WWOX: variants seen among roughly 807,000 people sequenced by gnomAD.
The protein encoded by WWOX is WW domain-containing oxidoreductase.
A neutral mutation model predicts 46.2 loss-of-function variants in WWOX; 69 were observed. The observed-to-expected ratio is 1.49, with a 90% confidence interval of 1.23 to 1.82. The LOEUF is 1.82. Ranked by LOEUF, WWOX falls within the 40% of genes most tolerant of loss-of-function variation. WWOX has a pLI of 0.00. For missense variants in WWOX, 919 were observed against 542.6 expected (o/e 1.69, Z -6.89); for synonymous variants, 359 against 202.6 (o/e 1.77, Z -6.56).
At chr16:78,563,048 C>G (rs987743267) in intron 8 of WWOX, among the ~76,000 whole-genome samples, 4 of 151,954 alleles carry the variant, frequency 2.6e-5, no homozygotes, top group African/African-American at 9.7e-5. Context: ...CTCTGCACTT[C>G]AAGCTAAATA....
chr16:78,110,870 C>G (rs929774968), intron 3 of WWOX, among the ~76,000 whole-genome samples: 17 of 152,094 alleles, frequency 1.1e-4, no homozygotes, highest in African/African-American at 3.4e-4. Flanking sequence ...AGCACCTGCT[C>G]CAGGGACTGT....
chr16:78,191,249 C>G (rs928585926), intron 5 of WWOX, among the ~76,000 whole-genome samples: 5 of 152,160 alleles, frequency 3.3e-5, no homozygotes, highest in African/African-American at 1.2e-4. Flanking sequence ...GCCCACAGCT[C>G]CTCCACCTGG....
intron 8 of WWOX, among the ~76,000 whole-genome samples, chr16:78,872,303 G>A (rs949772860): frequency 1.3e-5 from 2 of 152,248 alleles, no homozygotes; most frequent in South Asian, 2.1e-4. Context: ...AAGAAAGATG[G>A]GCATAAGGAA....
chr16:78,978,036 A>G (rs540216648), intron 8 of WWOX, among the ~76,000 whole-genome samples: 1 of 152,360 alleles, frequency 6.6e-6, no homozygotes, highest in East Asian at 1.9e-4. Flanking sequence ...TTAAGCAGCT[A>G]CTACCCATTC....
At chr16:78,699,221 C>G (rs866760469) in intron 8 of WWOX, among the ~76,000 whole-genome samples, 1 of 152,164 alleles carries the variant, frequency 6.6e-6, no homozygotes, top group African/African-American at 2.4e-5. Context: ...CTTTGGAAGG[C>G]CTAACTCAGT....
At chr16:78,887,945 C>G (rs1353641237) in intron 8 of WWOX, among the ~76,000 whole-genome samples, 3 of 152,296 alleles carry the variant, frequency 2.0e-5, no homozygotes, top group South Asian at 2.1e-4. Context: ...CATTAGAAAG[C>G]TCACTCTGAC....
chr16:78,823,245 A>G (rs533172901), intron 8 of WWOX, among the ~76,000 whole-genome samples: 3 of 152,210 alleles, frequency 2.0e-5, no homozygotes, highest in Non-Finnish European at 4.4e-5. Flanking sequence ...TGCCTTAATG[A>G]TGCTGGCAGA....
chr16:79,094,737 A>G (rs562484828), intron 8 of WWOX, among the ~76,000 whole-genome samples: 8 of 152,296 alleles, frequency 5.3e-5, no homozygotes, highest in African/African-American at 1.7e-4. Context: ...TAAACCTGGA[A>G]TGAGGAATAA....
chr16:78,572,516 C>T (rs1226150191), intron 8 of WWOX, among the ~76,000 whole-genome samples: 1 of 148,718 alleles, frequency 6.7e-6, no homozygotes, highest in East Asian at 2.0e-4. Flanking sequence ...GGAGGGAGGA[C>T]CTCTTGAGCC....
At chr16:79,120,748 A>AT (rs1369258708) in intron 8 of WWOX, among the ~76,000 whole-genome samples, 1 of 151,792 alleles carries the variant, frequency 6.6e-6, no homozygotes, top group African/African-American at 2.4e-5. Context: ...TCTGTCTGAA[A>AT]TTTCCCTCTG....
intron 5 of WWOX, among the ~76,000 whole-genome samples, chr16:78,312,509 G>T (rs1042313650): frequency 6.6e-5 from 10 of 151,750 alleles, no homozygotes; most frequent in Non-Finnish European, 1.5e-4. Flanking sequence ...TGAGTAGCTG[G>T]GATTACAGGT....
intron 8 of WWOX, among the ~76,000 whole-genome samples, chr16:78,557,340 T>G (rs1401589615): frequency 6.6e-6 from 1 of 152,172 alleles, no homozygotes; most frequent in African/African-American, 2.4e-5. Flanking sequence ...TTCAGTGATA[T>G]TATTTCTCCG....
At chr16:78,127,534 C>A (rs1281237440) in intron 4 of WWOX, among the ~76,000 whole-genome samples, 1 of 144,138 alleles carries the variant, frequency 6.9e-6, no homozygotes, top group Non-Finnish European at 1.5e-5. Flanking sequence ...AAAAAACCAC[C>A]GAGACGAGGT....
chr16:78,395,713 A>C (rs1479774746), intron 6 of WWOX, among the ~76,000 whole-genome samples: 1 of 152,010 alleles, frequency 6.6e-6, no homozygotes, highest in African/African-American at 2.4e-5. Flanking sequence ...AGGATCATAA[A>C]GTACTTTATT....
At chr16:78,795,022 A>T (rs575300996) in intron 8 of WWOX, among the ~76,000 whole-genome samples, 1 of 152,124 alleles carries the variant, frequency 6.6e-6, no homozygotes, top group South Asian at 2.1e-4. Flanking sequence ...CTTAACACTG[A>T]TCTTTGAGCT....
chr16:78,403,221 G>A (rs1490485755), intron 6 of WWOX, among the ~76,000 whole-genome samples: 6 of 152,292 alleles, frequency 3.9e-5, no homozygotes, highest in East Asian at 1.9e-4. Context: ...TTGTTTGTAA[G>A]TTGTAAGTTG....
chr16:78,133,451 G>T (rs2151699163), intron 4 of WWOX, among the ~76,000 whole-genome samples: 1 of 152,268 alleles, frequency 6.6e-6, no homozygotes, highest in South Asian at 2.1e-4. Context: ...ATTAGAGACG[G>T]GGTTTCACCA....
chr16:78,921,724 C>T lies in WWOX; in HGVS notation c.1057-289884C>T, dbSNP rs555668878. 1.7e-4 allele frequency among the ~76,000 whole-genome samples: 26 copies of T among 152,254 alleles called. 1 individual carries two copies. The South Asian group carries it at 5.4e-3, about 32-fold the overall frequency. ...AAAGTAAGCAGAGTGTGTGTCTAAA[C>T]TTCTCATGGGCTACTGTGAGGAGTA... On this transcript the variant is annotated intron_variant, in intron 8 of 8. Transcript: ENST00000566780.
At chr16:78,634,833 A>AGG (rs1272929994) in intron 8 of WWOX, among the ~76,000 whole-genome samples, 2 of 111,278 alleles carry the variant, frequency 1.8e-5, no homozygotes, top group African/African-American at 7.5e-5. Context: ...AGAGAGAGAG[A>AGG]GAGAGTGTGT....
Sources: gnomAD v4.1 joint callset for allele counts (sites outside exome capture counted in the v4.1 genomes callset) on GRCh38, gnomAD v4.1.1 for gene constraint, MANE v1.5 for transcripts, NCBI Gene and HGNC (gene_info 2026-07-23, HGNC 2026-07-21) for gene names.